CELF2: variants seen among roughly 807,000 people sequenced by gnomAD.
The protein encoded by CELF2 is CUGBP Elav-like family member 2, also known as CUG triplet repeat RNA-binding protein 2.
In CELF2, 8 loss-of-function variants were observed where a neutral mutation model predicts 62.6. The observed-to-expected ratio is 0.13, with a 90% confidence interval of 0.07 to 0.23. CELF2 has a LOEUF of 0.23. Among genes scored for constraint, CELF2 ranks in the 10% least tolerant of loss-of-function variants. The probability of loss-of-function intolerance (pLI) is 1.00; values close to 1 mark genes in which losing one functional copy is unlikely to be tolerated. For synonymous variants in CELF2, 258 were observed against 250.0 expected, an observed-to-expected ratio of 1.03 and a Z score of -0.30; for missense variants, 333 against 671.0, an observed-to-expected ratio of 0.50 and a Z score of 5.56.
At chr10:10,696,870 A>G in the CELF2 span, among the ~76,000 whole-genome samples, 3 of 152,048 alleles carry the variant, frequency 2.0e-5, no homozygotes, top group Non-Finnish European at 2.9e-5. Flanking sequence ...CCAATGACCT[A>G]TGCCCACTGT....
At chr10:11,030,048 C>T (rs1394402372) in intron 1 of CELF2, among the ~76,000 whole-genome samples, 1 of 152,176 alleles carries the variant, frequency 6.6e-6, no homozygotes, top group African/African-American at 2.4e-5. Context: ...ATCGTGCAGA[C>T]CCCAGAAGCC....
At chr10:11,188,740 T>C (rs1277099057) in intron 2 of CELF2, among the ~76,000 whole-genome samples, 1 of 152,256 alleles carries the variant, frequency 6.6e-6, no homozygotes, top group Non-Finnish European at 1.5e-5. Context: ...GTCTGCTTTC[T>C]CTCAACTCTC....
At chr10:11,200,887 AT>A (rs1159737622) in intron 2 of CELF2, among the ~76,000 whole-genome samples, 1 of 152,222 alleles carries the variant, frequency 6.6e-6, no homozygotes, top group Non-Finnish European at 1.5e-5. Flanking sequence ...AGCAAATGAA[AT>A]TTGAGAATTG....
chr10:11,136,749 T>C (rs2060500395), intron 1 of CELF2, among the ~76,000 whole-genome samples: 1 of 152,232 alleles, frequency 6.6e-6, no homozygotes, highest in East Asian at 1.9e-4. Flanking sequence ...AATGTCTCCT[T>C]CCACCTCAAT....
chr10:11,055,818 G>A (rs1296814431), intron 1 of CELF2, among the ~76,000 whole-genome samples: 1 of 152,158 alleles, frequency 6.6e-6, no homozygotes, highest in Non-Finnish European at 1.5e-5. Flanking sequence ...CCCATCTGGA[G>A]TATCCCCCAT....
chr10:10,886,915 C>T (rs1459948094), intron 1 of CELF2, among the ~76,000 whole-genome samples: 1 of 152,142 alleles, frequency 6.6e-6, no homozygotes, highest in Non-Finnish European at 1.5e-5. Context: ...AAGCAAGGGA[C>T]AGTCACAGAA....
At chr10:11,016,162 A>G (rs949360830), upstream of CELF2, among the ~76,000 whole-genome samples, 2 of 152,224 alleles carry the variant, frequency 1.3e-5, no homozygotes, top group East Asian at 3.8e-4. This position sits in a 1 kb window ranked among gnomAD's most constrained non-coding sequence, Gnocchi z 5.2. Flanking sequence ...CCAGCTAATT[A>G]TTAAGATAAT....
the CELF2 span, among the ~76,000 whole-genome samples, chr10:10,579,820 A>G: frequency 6.6e-6 from 1 of 152,028 alleles, no homozygotes; most frequent in Non-Finnish European, 1.5e-5. Flanking sequence ...ATTGTTTTTC[A>G]GTAGGAGCTG....
At chr10:11,325,247 A>T (rs1253694692) in intron 11 of CELF2, among the ~76,000 whole-genome samples, 1 of 152,064 alleles carries the variant, frequency 6.6e-6, no homozygotes, top group African/African-American at 2.4e-5. Context: ...AAGTCATGAG[A>T]CTCAGGCTAC....
chr10:11,310,871 A>G lies in CELF2; in HGVS notation c.977-3268A>G, dbSNP rs530455897. On this transcript the variant is annotated intron_variant, in intron 9 of 12. Coordinates refer to ENST00000633077, the MANE Select transcript of CELF2 (RefSeq NM_001326342.2). ...TTTTAAAATATTTTTAATGACATCA[A>G]TAACTACTCAATTAGCAAAGAATAC... 6.6e-5 allele frequency among the ~76,000 whole-genome samples: 10 copies of G among 152,222 alleles called. No homozygotes were observed. The South Asian group carries it at 1.0e-3, about 16-fold the overall frequency.
chr10:11,114,224 A>G (rs2055983439), intron 1 of CELF2, among the ~76,000 whole-genome samples: 1 of 152,232 alleles, frequency 6.6e-6, no homozygotes, highest in South Asian at 2.1e-4. Context: ...TGCTGAGAGT[A>G]AAAACAATGA....
intron 2 of CELF2, among the ~76,000 whole-genome samples, chr10:11,213,892 T>C (rs1008326184): frequency 1.3e-5 from 2 of 152,224 alleles, no homozygotes; most frequent in African/African-American, 2.4e-5. Flanking sequence ...TAAAGAATGC[T>C]TTTGACCCTT....
the CELF2 span, among the ~76,000 whole-genome samples, chr10:10,616,477 A>G: frequency 6.6e-6 from 1 of 152,048 alleles, no homozygotes; most frequent in Admixed American, 6.6e-5. Flanking sequence ...TCCAGGTTTC[A>G]GGTTCTGTAT....
At chr10:10,815,084 G>C (rs1219780257) in intron 1 of CELF2, among the ~76,000 whole-genome samples, 3 of 152,216 alleles carry the variant, frequency 2.0e-5, no homozygotes, top group South Asian at 4.1e-4. Flanking sequence ...GATCACTGGA[G>C]AGGGAAGCAG....
chr10:10,732,205 G>T, the CELF2 span, among the ~76,000 whole-genome samples: 166 of 152,176 alleles, frequency 1.1e-3, 1 homozygote, highest in East Asian at 3.7e-3. Flanking sequence ...TAGGCTCAAG[G>T]TTTAGCTTAT....
At chr10:10,873,798 T>C (rs1230982322) in intron 1 of CELF2, among the ~76,000 whole-genome samples, 22 of 152,220 alleles carry the variant, frequency 1.4e-4, no homozygotes, top group African/African-American at 1.2e-4. Context: ...CTTCTCTGAA[T>C]CCTCCTTGTC....
chr10:10,493,824 G>A, the CELF2 span, among the ~76,000 whole-genome samples: 1 of 152,088 alleles, frequency 6.6e-6, no homozygotes, highest in Non-Finnish European at 1.5e-5. Context: ...GAGCCACCGT[G>A]CCCAGCTGCA....
upstream of CELF2, among the ~76,000 whole-genome samples, chr10:11,004,211 T>A (rs2054820805): frequency 6.6e-6 from 1 of 152,154 alleles, no homozygotes; most frequent in Non-Finnish European, 1.5e-5. This position sits in a 1 kb window ranked among gnomAD's most constrained non-coding sequence, Gnocchi z 5.0. Context: ...GAGTCCAGGT[T>A]ATACTGAGGT....
intron 2 of CELF2, among the ~76,000 whole-genome samples, chr10:11,170,771 A>G (rs2068615013): frequency 1.3e-5 from 2 of 152,210 alleles, no homozygotes; most frequent in South Asian, 4.1e-4. Flanking sequence ...CTTGGAACCT[A>G]GAATCAGTAG....
Sources: gnomAD v4.1 joint callset for allele counts (sites outside exome capture counted in the v4.1 genomes callset) on GRCh38, gnomAD v4.1.1 for gene constraint, Gnocchi (gnomAD v3.1) non-coding constraint, MANE v1.5 for transcripts, NCBI Gene and HGNC (gene_info 2026-07-23, HGNC 2026-07-21) for gene names.